The following SORCS1 variants were observed in gnomAD, a reference collection of about 807,000 sequenced individuals.
SORCS1 encodes the protein sortilin related VPS10 domain containing receptor 1, also known as VPS10 domain-containing receptor SorCS1.
In SORCS1, 60 loss-of-function variants were observed where a neutral mutation model predicts 146.1. The observed-to-expected ratio is 0.41, with a 90% CI of 0.33 to 0.51. The LOEUF (loss-of-function observed/expected upper bound fraction) is 0.51. Ranked by LOEUF, SORCS1 falls within the 20% of genes least tolerant of loss-of-function variation. The pLI, the probability that SORCS1 is intolerant of heterozygous loss-of-function variation, is 0.21. For missense variants in SORCS1, 1,352 were observed against 1,487.6 expected (o/e 0.91, Z 1.50); for synonymous variants, 637 against 584.0 (o/e 1.09, Z -1.31).
intron 21 of SORCS1, among the ~76,000 whole-genome samples, chr10:106,617,505 ATT>A (rs11352515): frequency 6.6e-6 from 1 of 151,886 alleles, no homozygotes; most frequent in African/African-American, 2.4e-5. Context: ...TCCATCAAGT[ATT>A]TTTTTTATTT....
intron 4 of SORCS1, among the ~76,000 whole-genome samples, 154 bp downstream of exon 4, chr10:106,776,380 C>T (rs1217459263): frequency 6.6e-6 from 1 of 152,216 alleles, no homozygotes; most frequent in African/African-American, 2.4e-5. Flanking sequence ...CAACCTGAGA[C>T]TCTCCTTGCT....
intron 17 of SORCS1, among the ~76,000 whole-genome samples, chr10:106,656,584 TTTTC>T (rs1047781762): frequency 7.9e-5 from 12 of 151,762 alleles, no homozygotes; most frequent in African/African-American, 2.9e-4. Flanking sequence ...AAGGCAATAT[TTTTC>T]TTTGTGAAAG....
At chr10:106,873,847 C>T (rs199796166) in intron 2 of SORCS1, among the ~76,000 whole-genome samples, 4 of 152,118 alleles carry the variant, frequency 2.6e-5, no homozygotes, top group East Asian at 1.9e-4. Context: ...ACAAGAAAAG[C>T]GATCAGGGGT....
At chr10:107,168,438 A>G (rs895316692), upstream of SORCS1, among the ~76,000 whole-genome samples, 1 of 152,240 alleles carries the variant, frequency 6.6e-6, no homozygotes, top group African/African-American at 2.4e-5. Context: ...ACATGTGGAT[A>G]AAGGCCCTGT....
At chr10:107,077,824 G>C (rs907175828) in intron 1 of SORCS1, among the ~76,000 whole-genome samples, 1 of 152,102 alleles carries the variant, frequency 6.6e-6, no homozygotes, top group African/African-American at 2.4e-5. Flanking sequence ...CAATGGAAAA[G>C]AAGAGATTTA....
At chr10:106,987,143 C>T (rs1193331791) in intron 1 of SORCS1, among the ~76,000 whole-genome samples, 1 of 152,200 alleles carries the variant, frequency 6.6e-6, no homozygotes, top group Non-Finnish European at 1.5e-5. Context: ...TAACCTGGAA[C>T]ATGCAGAGGC....
At chr10:106,577,620 T>C (rs1844648142) in intron 25 of SORCS1, 65 bp from the exon 26 acceptor site, 12 of 1,600,294 alleles carry the variant, frequency 7.5e-6, no homozygotes, top group Non-Finnish European at 1.0e-5. Context: ...GTCAGAGACT[T>C]TGCAATGTGC....
chr10:106,737,036 AGTGT>A (rs1301020744), intron 5 of SORCS1, among the ~76,000 whole-genome samples: 1 of 146,290 alleles, frequency 6.8e-6, no homozygotes. Context: ...TCTGCAGCAA[AGTGT>A]GTGTGTGTGT....
intron 2 of SORCS1, among the ~76,000 whole-genome samples, chr10:106,931,960 AAAAC>A (rs1953443966): frequency 6.6e-6 from 1 of 152,186 alleles, no homozygotes; most frequent in South Asian, 2.1e-4. Context: ...CTCATGGGGA[AAAAC>A]AAAAGCCAAT....
intron 18 of SORCS1, among the ~76,000 whole-genome samples, chr10:106,646,698 A>C (rs998081348): frequency 4.6e-5 from 7 of 152,160 alleles, no homozygotes; most frequent in Non-Finnish European, 1.0e-4. Flanking sequence ...CTCAAAAAAA[A>C]TAAATAAATA....
intron 1 of SORCS1, among the ~76,000 whole-genome samples, chr10:107,132,863 A>T (rs35355687): frequency 0.088 from 13,391 of 152,080 alleles, 672 homozygotes; most frequent in African/African-American, 0.15. Flanking sequence ...AAAAATAAAA[A>T]AAAATAAAAA....
At chr10:106,953,105 C>G (rs1005435822) in intron 2 of SORCS1, among the ~76,000 whole-genome samples, 1 of 151,248 alleles carries the variant, frequency 6.6e-6, no homozygotes, top group Non-Finnish European at 1.5e-5. Context: ...GACTATTAGG[C>G]GTATATTTTA....
chr10:106,699,407 C>T lies in SORCS1; in HGVS notation c.1234-14G>A, dbSNP rs17121235. On this transcript the variant is annotated splice_polypyrimidine_tract_variant and intron_variant, in intron 8 of 25. Coordinates refer to ENST00000263054, the MANE Select transcript of SORCS1 (RefSeq NM_052918.5). Reference sequence around the variant, plus strand: ...AACATGCATGTCCTGTGAAAAGACACAAGGTCGTGAAGAGGGAAAAAGAGT... The same window carrying T: ...AACATGCATGTCCTGTGAAAAGACATAAGGTCGTGAAGAGGGAAAAAGAGT... 2.4e-3 allele frequency: 3,915 copies of T among 1,599,840 alleles called. 150 individuals are homozygous for T. The Admixed American group carries it at 0.059, about 24-fold the overall frequency.
At chr10:106,954,121 G>A (rs1339268782) in intron 2 of SORCS1, among the ~76,000 whole-genome samples, 2 of 152,212 alleles carry the variant, frequency 1.3e-5, no homozygotes, top group Non-Finnish European at 1.5e-5. Flanking sequence ...CCACAGTCTA[G>A]GGCAACCTGC....
intron 1 of SORCS1, among the ~76,000 whole-genome samples, chr10:107,137,758 A>T (rs1967445986): frequency 1.3e-5 from 2 of 151,696 alleles, no homozygotes. Flanking sequence ...GCTACTTGGG[A>T]GGCTGAGGCA....
chr10:106,730,277 A>C (rs1171105501), intron 5 of SORCS1, among the ~76,000 whole-genome samples, 163 bp from the exon 6 acceptor site: 1 of 152,210 alleles, frequency 6.6e-6, no homozygotes, highest in Non-Finnish European at 1.5e-5. Flanking sequence ...TGACAGTAAA[A>C]TTTCCACTTA....
At chr10:106,754,944 A>G (rs1858525123) in intron 5 of SORCS1, among the ~76,000 whole-genome samples, 1 of 152,194 alleles carries the variant, frequency 6.6e-6, no homozygotes, top group Admixed American at 6.5e-5. Flanking sequence ...GTAAGGCTGA[A>G]CCTATTTTTA....
intron 2 of SORCS1, among the ~76,000 whole-genome samples, chr10:106,913,670 G>C (rs1378274040): frequency 6.6e-6 from 1 of 152,208 alleles, no homozygotes; most frequent in Non-Finnish European, 1.5e-5. Context: ...CTTTTCAGTA[G>C]AACTTTAACG....
chr10:106,669,353 A>G (rs1340837935), intron 16 of SORCS1, among the ~76,000 whole-genome samples: 1 of 152,128 alleles, frequency 6.6e-6, no homozygotes, highest in Non-Finnish European at 1.5e-5. Flanking sequence ...GGGACATCTC[A>G]TCTCATCTCA....
Sources: gnomAD v4.1 joint callset for allele counts (sites outside exome capture counted in the v4.1 genomes callset) on GRCh38, gnomAD v4.1.1 for gene constraint, MANE v1.5 for transcripts, NCBI Gene and HGNC (gene_info 2026-07-23, HGNC 2026-07-21) for gene names.